Variants in CREB3L2 observed in about 807,000 individuals in gnomAD.
CREB3L2 encodes cAMP responsive element binding protein 3 like 2.
Under a neutral mutation model 57.2 loss-of-function variants are expected in CREB3L2, and 23 were observed. The ratio of observed to expected loss-of-function variants is 0.40; its 90% CI spans 0.29 to 0.57. The LOEUF (loss-of-function observed/expected upper bound fraction) is 0.57. CREB3L2 is among the 20% of genes least tolerant of loss of function. The pLI is 0.42. For missense variants in CREB3L2, 628 were observed against 634.7 expected (o/e 0.99, Z 0.11); for synonymous variants, 268 against 265.1 (o/e 1.01, Z -0.11).
At chr7:137,906,030 C>T (rs1282059012) in intron 5 of CREB3L2, among the ~76,000 whole-genome samples, 182 bp from the exon 6 acceptor site, 1 of 152,158 alleles carries the variant, frequency 6.6e-6, no homozygotes, top group Admixed American at 6.5e-5. Context: ...ATGGGGAAGA[C>T]ACCCCCATGT....
At chr7:137,979,231 T>C (rs970326436) in intron 1 of CREB3L2, among the ~76,000 whole-genome samples, 1 of 152,162 alleles carries the variant, frequency 6.6e-6, no homozygotes, top group East Asian at 1.9e-4. Flanking sequence ...TCTGTTCTAA[T>C]TGATCACAGC....
At chr7:137,949,986 A>G (rs1801066578) in intron 1 of CREB3L2, among the ~76,000 whole-genome samples, 1 of 152,160 alleles carries the variant, frequency 6.6e-6, no homozygotes, top group South Asian at 2.1e-4. Flanking sequence ...TAAGTATATT[A>G]TTTTATTTAA....
At position 137,908,401 on chromosome 7, in the gene CREB3L2, G is replaced by C. The variant is rs974405497; in HGVS notation, c.619C>G (p.Pro207Ala). 2 of 1,266,816 alleles carry C rather than the reference G, an allele frequency of 1.6e-6. No homozygotes were observed. The highest frequency in any genetic ancestry group is 3.1e-5 in the African/African-American group (2 of 64,574). 78.5% of individuals were successfully genotyped at this position (1,266,816 alleles called of 1,614,324 possible). The change falls in exon 5 of 12, where the codon CCG (proline) becomes GCG (alanine). Residue 207 changes from proline (P) to alanine (A), a missense_variant. Transcript: ENST00000330387. ...VDHLHLPPTPPSSHGSDSEGS... is the reference protein window; with the variant it reads ...VDHLHLPPTPASSHGSDSEGS... ...TCTGAGTCACTGCCGTGACTGCTCG[G>C]AGGGGTGGGCGGCAAATGCAGGTGG...
rs1799381705 is a variant in CREB3L2, at chr7:137,885,014, C to T, written c.1251G>A (p.Glu417=). ...TCTTACCCACGGAGGCTGTGTAGGG[C>T]TCCTGCAGGGAATGCTGGCTGGGCA... The part of the protein sequence containing the change: ...MALPSQHSLQ[E]PYTASVVRSR... The change falls in exon 10 of 12, where the codon GAG becomes GAA. Residue 417 remains glutamate (E), a synonymous_variant. Coordinates refer to ENST00000330387, the MANE Select transcript of CREB3L2 (RefSeq NM_194071.4). 3.7e-6 allele frequency: 6 copies of T among 1,614,090 alleles called. No individual in the cohort carries two copies. Among genetic ancestry groups the T allele is most frequent in the African/African-American group, 1.3e-5 (1 of 74,944 alleles).
chr7:137,977,988 C>T (rs1321038475), intron 1 of CREB3L2, among the ~76,000 whole-genome samples: 1 of 151,668 alleles, frequency 6.6e-6, no homozygotes, highest in East Asian at 1.9e-4. Context: ...AAGGTAGAAG[C>T]AGTTTCCAAA....
intron 1 of CREB3L2, among the ~76,000 whole-genome samples, chr7:137,974,884 G>A (rs1801579104): frequency 1.3e-5 from 2 of 152,174 alleles, no homozygotes; most frequent in South Asian, 4.1e-4. Flanking sequence ...TAGTCCAGTG[G>A]AGAGACAAGC....
At chr7:137,889,592 T>C (rs1320430755) in intron 8 of CREB3L2, among the ~76,000 whole-genome samples, 1 of 152,244 alleles carries the variant, frequency 6.6e-6, no homozygotes, top group African/African-American at 2.4e-5. Context: ...ACTAATAATA[T>C]GCTGTTTGCC....
At position 137,980,423 on chromosome 7, in the gene CREB3L2, C is replaced by A. The variant is rs981454189; in HGVS notation, c.102+21181G>T. On this transcript the variant is annotated intron_variant, in intron 1 of 11. Transcript: ENST00000330387. The surrounding 1 kb of genome is among the most constrained non-coding windows in gnomAD (Gnocchi z 4.3). ...CATTGTTCCAGTGGGTTCGCCTGGC[C>A]TGGGGCAGCTCAGGAGAGTGGTCAC... 6.6e-6 allele frequency among the ~76,000 whole-genome samples: 1 copy of A among 152,208 alleles called. No individual in the cohort carries two copies. Among genetic ancestry groups the A allele is most frequent in the African/African-American group, 2.4e-5 (1 of 41,456 alleles).
rs1799191645 is a variant in CREB3L2 at position 137,877,793 on chromosome 7, T to G, written c.*2683A>C. 6 of 228,710 alleles carry G rather than the reference T, an allele frequency of 2.6e-5. No individual in the cohort carries two copies. In the East Asian group the frequency reaches 3.8e-4, roughly 14 times the overall value. 14.2% of individuals were successfully genotyped at this position (228,710 alleles called of 1,614,324 possible). ...ATGACTAGTCTAAGAGGCCACTTGGTGGGGAAAACAAATCCACTGATATTC... is the reference window on the plus strand; with the variant it reads ...ATGACTAGTCTAAGAGGCCACTTGGGGGGGAAAACAAATCCACTGATATTC... On this transcript the variant is annotated 3_prime_UTR_variant, in exon 12 of 12. Coordinates refer to ENST00000330387, the MANE Select transcript of CREB3L2 (RefSeq NM_194071.4).
At chr7:137,951,868 C>T (rs1229383316) in intron 1 of CREB3L2, among the ~76,000 whole-genome samples, 1 of 152,180 alleles carries the variant, frequency 6.6e-6, no homozygotes, top group East Asian at 1.9e-4. Flanking sequence ...TGCACAGCTG[C>T]AGTCCCAGCT....
At chr7:137,915,076 TA>T (rs1362103655) in intron 3 of CREB3L2, among the ~76,000 whole-genome samples, 6 of 152,150 alleles carry the variant, frequency 3.9e-5, no homozygotes, top group Admixed American at 2.0e-4. Context: ...TAAGGAATGT[TA>T]ATGAAGTTGT....
At chr7:137,898,781 C>T (rs1308224188) in intron 8 of CREB3L2, among the ~76,000 whole-genome samples, 3 of 152,030 alleles carry the variant, frequency 2.0e-5, no homozygotes, top group Non-Finnish European at 2.9e-5. Context: ...ACAACTGACT[C>T]GGCCTTTACT....
rs539159443 is a variant in CREB3L2 at position 137,885,443 on chromosome 7, G to A, written c.1103C>T (p.Thr368Ile). The change falls in exon 9 of 12, where the codon ACC becomes ATC. Residue 368 changes from threonine to isoleucine, a missense_variant. Thr to Ile is a moderately conservative substitution (Grantham distance 89, BLOSUM62 -1). Coordinates refer to ENST00000330387, the MANE Select transcript of CREB3L2 (RefSeq NM_194071.4). ...AGTCTGCGTGCCAGCTAACTTGCAG[G>A]TTCGAGAAACCTTGCCCATCACCAA... ...QTLVMGKVSR[T>I]CKLAGTQTGT... is the part of the protein sequence containing the mutation. The A allele has an allele frequency of 1.9e-6, 3 of 1,614,188 alleles. No individual in the cohort carries two copies. The highest frequency in any genetic ancestry group is 3.3e-5 in the Admixed American group (2 of 60,018).
chr7:137,949,417 G>C (rs1801052780), intron 1 of CREB3L2, among the ~76,000 whole-genome samples: 1 of 152,214 alleles, frequency 6.6e-6, no homozygotes, highest in Non-Finnish European at 1.5e-5. Context: ...AAATTATCAG[G>C]AGAGAGGGAA....
intron 8 of CREB3L2, among the ~76,000 whole-genome samples, chr7:137,887,830 C>T (rs1202983585): frequency 2.0e-5 from 3 of 152,116 alleles, no homozygotes; most frequent in African/African-American, 7.2e-5. Flanking sequence ...AATTTAAGTT[C>T]TATTTAATGT....
chr7:137,945,761 C>A (rs1186090875), intron 1 of CREB3L2, among the ~76,000 whole-genome samples: 1 of 152,308 alleles, frequency 6.6e-6, no homozygotes, highest in Admixed American at 6.5e-5. Flanking sequence ...TGTATTAGAA[C>A]CTCAAATGCT....
At chr7:137,945,896 C>T (rs1800964009) in intron 1 of CREB3L2, among the ~76,000 whole-genome samples, 1 of 152,202 alleles carries the variant, frequency 6.6e-6, no homozygotes, top group African/African-American at 2.4e-5. Context: ...TGAGCCGCTA[C>T]AATTAAGCTT....
chr7:137,885,688 C>A (rs1799402991), intron 8 of CREB3L2, among the ~76,000 whole-genome samples, 186 bp from the exon 9 acceptor site: 1 of 152,232 alleles, frequency 6.6e-6, no homozygotes, highest in South Asian at 2.1e-4. Context: ...ACAGAGCTCA[C>A]TGGGGCTCAG....
At chr7:137,935,061 A>G (rs1800751959) in intron 1 of CREB3L2, among the ~76,000 whole-genome samples, 1 of 152,230 alleles carries the variant, frequency 6.6e-6, no homozygotes, top group African/African-American at 2.4e-5. Flanking sequence ...GTGGCAATGT[A>G]GCTTTGGAGT....
Sources: gnomAD v4.1 joint callset for allele counts (sites outside exome capture counted in the v4.1 genomes callset) on GRCh38, gnomAD v4.1.1 for gene constraint, Gnocchi (gnomAD v3.1) non-coding constraint, MANE v1.5 for transcripts, NCBI Gene and HGNC (gene_info 2026-07-23, HGNC 2026-07-21) for gene names.